GUCY1A2: variants seen among roughly 807,000 people sequenced by gnomAD.
GUCY1A2 encodes guanylate cyclase soluble subunit alpha-2.
A neutral mutation model predicts 63.5 loss-of-function variants in GUCY1A2; 27 were observed. That is an observed-to-expected ratio of 0.43 (90% CI 0.31 to 0.59). The LOEUF (loss-of-function observed/expected upper bound fraction) is 0.59, where lower values mean the gene tolerates loss of function less well. GUCY1A2 is among the 20% of genes least tolerant of loss of function. GUCY1A2 has a pLI of 0.11. For missense variants in GUCY1A2, 768 were observed against 913.3 expected (o/e 0.84, Z 2.05); for synonymous variants, 364 against 343.5 (o/e 1.06, Z -0.66).
intron 3 of GUCY1A2, among the ~76,000 whole-genome samples, chr11:106,965,762 T>C (rs916542138): frequency 1.3e-5 from 2 of 152,110 alleles, no homozygotes; most frequent in Non-Finnish European, 2.9e-5. Flanking sequence ...GGTGGGATGA[T>C]GAACACCACT....
rs1332277370 is a variant in GUCY1A2, at chr11:106,733,834, AT to A, written c.1837-25169del. On this transcript the variant is annotated intron_variant, in intron 6 of 7. Transcript: ENST00000526355. Reference sequence around the variant, plus strand: ...TTGGCAATGAGATGCCCAAACTTGGATATCGAAGGCAATCAGGGAATCTCTC... The same window carrying A: ...TTGGCAATGAGATGCCCAAACTTGGAATCGAAGGCAATCAGGGAATCTCTC... Among the ~76,000 whole-genome samples the A allele has an allele frequency of 2.8e-4, 43 of 152,262 alleles. 1 individual carries two copies. Among genetic ancestry groups the A allele is most frequent in the African/African-American group, 9.9e-4 (41 of 41,556 alleles).
chr11:106,688,277 A>C (rs563341468), intron 7 of GUCY1A2, among the ~76,000 whole-genome samples: 317 of 152,276 alleles, frequency 2.1e-3, no homozygotes, highest in African/African-American at 7.4e-3. Context: ...AATGTCTCTG[A>C]TATCTGCTTG....
chr11:106,771,482 T>C (rs1864253167), intron 6 of GUCY1A2, among the ~76,000 whole-genome samples: 1 of 152,204 alleles, frequency 6.6e-6, no homozygotes, highest in Admixed American at 6.5e-5. Context: ...GCATGGTGGC[T>C]CATGCCTGTA....
At chr11:106,820,763 C>T (rs1474149419) in intron 4 of GUCY1A2, among the ~76,000 whole-genome samples, 1 of 152,022 alleles carries the variant, frequency 6.6e-6, no homozygotes, top group African/African-American at 2.4e-5. Context: ...CTGAAGTGAA[C>T]CATAGAAAAG....
intron 6 of GUCY1A2, among the ~76,000 whole-genome samples, chr11:106,752,851 T>A (rs12788085): frequency 1.3e-5 from 2 of 152,014 alleles, no homozygotes; most frequent in Non-Finnish European, 2.9e-5. Context: ...GTAGCATGAT[T>A]TATAATCCTT....
chr11:106,751,710 C>A (rs911682058), intron 6 of GUCY1A2, among the ~76,000 whole-genome samples: 1 of 151,964 alleles, frequency 6.6e-6, no homozygotes, highest in Admixed American at 6.6e-5. Context: ...TCCCCAAATG[C>A]TACCAGAGTG....
intron 4 of GUCY1A2, among the ~76,000 whole-genome samples, chr11:106,907,734 C>T (rs1860232611): frequency 1.3e-5 from 2 of 152,074 alleles, no homozygotes; most frequent in African/African-American, 4.8e-5. Context: ...AGGACATGAA[C>T]TCATCATTTT....
Position 106,674,445 on chromosome 11 carries a change from T to C in GUCY1A2, c.*13104A>G, listed in dbSNP as rs1042554253. ...TTTATCATTTCAATCAGAAAAAGTTTCTTTAAACCTGTACTACTAGATAAA... is the reference window on the plus strand; with the variant it reads ...TTTATCATTTCAATCAGAAAAAGTTCCTTTAAACCTGTACTACTAGATAAA... On this transcript the variant is annotated 3_prime_UTR_variant, in exon 8 of 8. Coordinates refer to ENST00000526355, the MANE Select transcript of GUCY1A2 (RefSeq NM_000855.3). 4.0e-5 allele frequency: 7 copies of C among 176,174 alleles called. No individual in the cohort carries two copies. Among genetic ancestry groups the C allele is most frequent in the Admixed American group, 1.9e-4 (3 of 15,780 alleles). 10.9% of individuals were successfully genotyped at this position (176,174 alleles called of 1,614,324 possible).
At chr11:106,933,703 T>A (rs1346575434) in intron 4 of GUCY1A2, among the ~76,000 whole-genome samples, 3 of 152,162 alleles carry the variant, frequency 2.0e-5, no homozygotes, top group East Asian at 1.9e-4. Context: ...CAGGTGCCCA[T>A]CAGTGGTGGA....
At chr11:106,970,296 T>A (rs1861177366) in intron 3 of GUCY1A2, among the ~76,000 whole-genome samples, 1 of 152,192 alleles carries the variant, frequency 6.6e-6, no homozygotes, top group African/African-American at 2.4e-5. Context: ...GCTGAATAAC[T>A]TCATTCCAGG....
chr11:106,824,252 T>C (rs1393765147), intron 4 of GUCY1A2: 1 of 790,670 alleles, frequency 1.3e-6, no homozygotes, highest in African/African-American at 1.8e-5. Flanking sequence ...GATGCTTTTC[T>C]GTCATATTCC....
At chr11:106,879,566 G>A (rs1416366579) in intron 4 of GUCY1A2, among the ~76,000 whole-genome samples, 2 of 152,006 alleles carry the variant, frequency 1.3e-5, no homozygotes, top group East Asian at 1.9e-4. Flanking sequence ...CACACTAATC[G>A]TCTTTCTTGT....
At chr11:106,693,844 T>A (rs1281069703) in intron 7 of GUCY1A2, among the ~76,000 whole-genome samples, 1 of 152,130 alleles carries the variant, frequency 6.6e-6, no homozygotes, top group African/African-American at 2.4e-5. Context: ...ATATTAATCA[T>A]CTTTTTATAG....
chr11:106,842,878 G>A (rs1431457913), intron 4 of GUCY1A2, among the ~76,000 whole-genome samples: 1 of 151,902 alleles, frequency 6.6e-6, no homozygotes, highest in Non-Finnish European at 1.5e-5. Flanking sequence ...ACCACACTTT[G>A]AGTAGCAAGG....
chr11:106,867,345 C>G (rs1859608970), intron 4 of GUCY1A2, among the ~76,000 whole-genome samples: 1 of 152,048 alleles, frequency 6.6e-6, no homozygotes, highest in African/African-American at 2.4e-5. Flanking sequence ...ACCACAGTGT[C>G]TAGGAGATAG....
intron 1 of GUCY1A2, among the ~76,000 whole-genome samples, chr11:107,014,436 A>G (rs1861792409): frequency 6.6e-6 from 1 of 152,150 alleles, no homozygotes. Flanking sequence ...AAGCCTGGGA[A>G]ATCCCAGATA....
At position 106,727,161 on chromosome 11, in the gene GUCY1A2, T is replaced by C. The variant is rs112226058; in HGVS notation, c.1837-18495A>G. 1.6e-3 allele frequency among the ~76,000 whole-genome samples: 239 copies of C among 152,278 alleles called. 3 individuals carry two copies. The highest frequency in any genetic ancestry group is 5.4e-3 in the African/African-American group (226 of 41,562). ...GGTAAAGTGTGGAAAAAAGGAGTCC[T>C]TGATATCAACGCAAATCTGTTAGGA... On this transcript the variant is annotated intron_variant, in intron 6 of 7. Transcript: ENST00000526355.
intron 3 of GUCY1A2, among the ~76,000 whole-genome samples, chr11:106,946,891 T>C (rs1047181299): frequency 6.6e-5 from 10 of 152,218 alleles, no homozygotes; most frequent in African/African-American, 2.4e-4. Context: ...TAAAGCATTA[T>C]ATAGTTTCAA....
chr11:106,980,231 A>G (rs2120123876), intron 2 of GUCY1A2, among the ~76,000 whole-genome samples: 1 of 152,294 alleles, frequency 6.6e-6, no homozygotes, highest in South Asian at 2.1e-4. Context: ...GGCAAGCTTG[A>G]GTTGTCTGGT....
Sources: allele counts gnomAD v4.1 joint callset (sites outside exome capture counted in the v4.1 genomes callset), GRCh38; gene constraint gnomAD v4.1.1; transcripts MANE v1.5; gene names NCBI Gene and HGNC (gene_info 2026-07-23, HGNC 2026-07-21).